TSC22D1: variants seen among roughly 807,000 people sequenced by gnomAD.
The protein encoded by TSC22D1 is TSC22 domain family member 1.
A neutral mutation model predicts 74.2 loss-of-function variants in TSC22D1; 9 were observed. That is an observed-to-expected ratio of 0.12 (90% CI 0.07 to 0.21). The LOEUF (loss-of-function observed/expected upper bound fraction) is 0.21. Ranked by LOEUF, TSC22D1 falls within the 10% of genes least tolerant of loss-of-function variation. The pLI, the probability that TSC22D1 is intolerant of heterozygous loss-of-function variation, is 1.00. For missense variants in TSC22D1, 1,427 were observed against 1,304.7 expected, an observed-to-expected ratio of 1.09 and a Z score of -1.44; for synonymous variants, 586 against 492.5, an observed-to-expected ratio of 1.19 and a Z score of -2.51.
chr13:44,537,897 C>T (rs1881244493), intron 1 of TSC22D1: 2 of 984,922 alleles, frequency 2.0e-6, no homozygotes, highest in Admixed American at 1.2e-4. Context: ...ATATTAATAA[C>T]TCTAGAATGT....
At chr13:44,453,610 A>G (rs1468210059) in intron 1 of TSC22D1, among the ~76,000 whole-genome samples, 1 of 152,228 alleles carries the variant, frequency 6.6e-6, no homozygotes, top group Non-Finnish European at 1.5e-5. Context: ...ATCCAAACTC[A>G]AGTCAGTCGG....
chr13:44,501,289 T>C (rs1879210328), intron 1 of TSC22D1, among the ~76,000 whole-genome samples: 1 of 152,036 alleles, frequency 6.6e-6, no homozygotes, highest in East Asian at 1.9e-4. Context: ...ATCCCAACGA[T>C]AGGAAATCAC....
At chr13:44,435,798 G>A in intron 2 of TSC22D1, 2 of 551,036 alleles carry the variant, frequency 3.6e-6, no homozygotes, top group East Asian at 3.3e-5. Context: ...GTCACCGTGA[G>A]AAAATCCCGT....
intron 1 of TSC22D1, among the ~76,000 whole-genome samples, chr13:44,517,880 A>T (rs1880127728): frequency 1.7e-4 from 4 of 23,140 alleles, no homozygotes; most frequent in Non-Finnish European, 3.1e-4. Flanking sequence ...TTTTTTTTTT[A>T]ACAAGGTCTC....
intron 1 of TSC22D1, among the ~76,000 whole-genome samples, chr13:44,449,082 A>G (rs923128276): frequency 1.3e-5 from 2 of 152,250 alleles, no homozygotes; most frequent in African/African-American, 4.8e-5. Flanking sequence ...CATGTGAGTC[A>G]GGCAGCCTGG....
intron 1 of TSC22D1, among the ~76,000 whole-genome samples, chr13:44,449,026 AC>A (rs1175529098): frequency 1.6e-4 from 25 of 152,194 alleles, no homozygotes; most frequent in African/African-American, 6.0e-4. Context: ...AGATTAAGAA[AC>A]AAGCTGGGAG....
intron 1 of TSC22D1, among the ~76,000 whole-genome samples, chr13:44,463,048 ACTTT>A (rs1321175614): frequency 7.2e-5 from 11 of 152,282 alleles, no homozygotes; most frequent in South Asian, 2.1e-4. Flanking sequence ...ATCACTTAAT[ACTTT>A]CTTTCTTTCC....
chr13:44,544,680 T>TA (rs1199285565), intron 1 of TSC22D1, among the ~76,000 whole-genome samples: 1 of 152,088 alleles, frequency 6.6e-6, no homozygotes, highest in Non-Finnish European at 1.5e-5. Context: ...ACCTAACTAT[T>TA]AAAGCATTTT....
chr13:44,467,256 AGAT>A (rs1877342608), intron 1 of TSC22D1, among the ~76,000 whole-genome samples: 1 of 152,220 alleles, frequency 6.6e-6, no homozygotes, highest in African/African-American at 2.4e-5. Context: ...AACTTGAGAT[AGAT>A]TAAGGACATG....
chr13:44,543,379 A>G (rs1316888629), intron 1 of TSC22D1, among the ~76,000 whole-genome samples: 1 of 152,242 alleles, frequency 6.6e-6, no homozygotes, highest in Non-Finnish European at 1.5e-5. Context: ...AATGTGCTAC[A>G]ACTGACTGAT....
chr13:44,575,460 T>A lies in TSC22D1; in HGVS notation c.615A>T (p.Pro205=). ...TCCCATTGATCACAACATTCTGTTGTGGAAGGTGAGGCAAATGAGGCTGAG... is the reference window on the plus strand; with the variant it reads ...TCCCATTGATCACAACATTCTGTTGAGGAAGGTGAGGCAAATGAGGCTGAG... ...HLPQPHLPHL[P]QQNVVINGNA... Residue 205 remains proline (P), a synonymous_variant, in exon 1 of 3, where the codon CCA becomes CCT. Transcript: ENST00000458659. 6.2e-7 allele frequency: 1 copy of A among 1,614,094 alleles called. No individual in the cohort carries two copies. The highest frequency in any genetic ancestry group is 8.5e-7 in the Non-Finnish European group (1 of 1,179,990).
rs1341624853 is a variant in TSC22D1, at chr13:44,436,686, A to G, written c.2913-591T>C. On this transcript the variant is annotated intron_variant, in intron 1 of 2. Coordinates refer to ENST00000458659, the MANE Select transcript of TSC22D1 (RefSeq NM_183422.4). ...AAAGAGGGAACACCAGCAGCCTTGT[A>G]TAAGCTAGATAAAATCTTCTGGCTT... The G allele has an allele frequency of 4.5e-6, 7 of 1,546,542 alleles. No homozygotes were observed. The Admixed American group carries it at 6.4e-5, about 14-fold the overall frequency.
At chr13:44,556,164 C>T (rs887677304) in intron 1 of TSC22D1, among the ~76,000 whole-genome samples, 1 of 151,688 alleles carries the variant, frequency 6.6e-6, no homozygotes, top group African/African-American at 2.4e-5. Context: ...TTCAATAGCT[C>T]CAACATTTAT....
In TSC22D1 at chr13:44,573,953, C is replaced by T; in HGVS notation, c.2122G>A (p.Ala708Thr). Residue 708 changes from alanine to threonine, a missense_variant, in exon 1 of 3, where the codon GCA becomes ACA. By Grantham distance (58) the Ala-to-Thr change is moderately conservative. Transcript: ENST00000458659. The stretch of plus-strand genomic sequence containing the variant: ...GCCTGGCCAACAGGCTGGACAGATG[C>T]CCCTGCAGGTTGTGCTGGGACTGCT... ...PTAVPAQPAG[A>T]SVQPVGQAPA... The T allele has an allele frequency of 1.9e-6, 3 of 1,614,078 alleles. No individual in the cohort carries two copies. Among genetic ancestry groups the T allele is most frequent in the Non-Finnish European group, 2.5e-6 (3 of 1,180,034 alleles).
intron 1 of TSC22D1, among the ~76,000 whole-genome samples, chr13:44,467,986 A>T (rs1008687167): frequency 2.7e-5 from 4 of 150,708 alleles, no homozygotes; most frequent in African/African-American, 4.9e-5. Context: ...TATGGGATCA[A>T]CCTATACACA....
chr13:44,477,413 T>C (rs749467029), intron 1 of TSC22D1, among the ~76,000 whole-genome samples: 10 of 152,172 alleles, frequency 6.6e-5, no homozygotes, highest in Non-Finnish European at 1.5e-4. Flanking sequence ...TAAGAATCCA[T>C]TATTTTTCCT....
At chr13:44,565,456 G>A (rs1883309289) in intron 1 of TSC22D1, among the ~76,000 whole-genome samples, 1 of 151,958 alleles carries the variant, frequency 6.6e-6, no homozygotes, top group African/African-American at 2.4e-5. Flanking sequence ...AGTGGTGGAG[G>A]GCAGCTTTTG....
intron 1 of TSC22D1, among the ~76,000 whole-genome samples, chr13:44,542,406 G>A (rs1001939384): frequency 2.2e-4 from 34 of 151,932 alleles, no homozygotes; most frequent in African/African-American, 8.0e-4. Flanking sequence ...GGAACTTTAC[G>A]TTAAATGCAT....
Position 44,457,927 on chromosome 13 carries a change from C to A in TSC22D1, c.2913-21832G>T, listed in dbSNP as rs59514045. Reference sequence around the variant, plus strand: ...CTTTCAATTCTGATGAAATAGTTATCTATTACACATACATCAGATCTGTCA... The same window carrying A: ...CTTTCAATTCTGATGAAATAGTTATATATTACACATACATCAGATCTGTCA... On this transcript the variant is annotated intron_variant, in intron 1 of 2. Coordinates refer to ENST00000458659, the MANE Select transcript of TSC22D1 (RefSeq NM_183422.4). Among the ~76,000 whole-genome samples, 1,157 of 152,284 alleles carry A rather than the reference C, an allele frequency of 7.6e-3. 14 individuals carry two copies. The highest frequency in any genetic ancestry group is 0.023 in the African/African-American group (954 of 41,562).
Sources: allele counts gnomAD v4.1 joint callset (sites outside exome capture counted in the v4.1 genomes callset), GRCh38; gene constraint gnomAD v4.1.1; transcripts MANE v1.5; gene names NCBI Gene and HGNC (gene_info 2026-07-23, HGNC 2026-07-21).